The following ATP8B2 variants were observed in gnomAD, a reference collection of about 807,000 sequenced individuals.
ATP8B2 encodes ATPase phospholipid transporting 8B2.
ATP8B2 carries 70 observed loss-of-function variants against 133.4 expected under a neutral mutation model. That is an observed-to-expected ratio of 0.52 (90% CI 0.43 to 0.64). The LOEUF is 0.64. Ranked by LOEUF, ATP8B2 falls within the 30% of genes least tolerant of loss-of-function variation. The pLI is 0.00. For synonymous variants in ATP8B2, 517 were observed against 589.5 expected (o/e 0.88, Z 1.78); for missense variants, 1,101 against 1,535.7 (o/e 0.72, Z 4.73).
At position 154,331,373 on chromosome 1, in the gene ATP8B2, G is replaced by A; in HGVS notation, c.304-71G>A. The A allele has an allele frequency of 6.6e-7, 1 of 1,518,860 alleles. No individual in the cohort carries two copies. The highest frequency in any genetic ancestry group is 9.1e-7 in the Non-Finnish European group (1 of 1,095,522). 94.1% of individuals were successfully genotyped at this position (1,518,860 alleles called of 1,614,324 possible). ...TATGAGGCGTTAACCAGCATGCTCT[G>A]AGTTCTACTGATCAACGAATTCCTT... On this transcript the variant is annotated intron_variant, in intron 5 of 27. Transcript: ENST00000368489. The surrounding 1 kb of genome is among the most constrained non-coding windows in gnomAD (Gnocchi z 4.8).
rs1685866757 is a variant in ATP8B2 at position 154,328,485 on chromosome 1, C to A, written c.31+313C>A. ...TCATCTCTGCTTGGTCCTCTCACCC[C>A]TTCCCTGCTCCCCTCGTTTTTCCAT... On this transcript the variant is annotated intron_variant, in intron 2 of 27. Coordinates refer to ENST00000368489, the MANE Select transcript of ATP8B2 (RefSeq NM_001370597.1). The surrounding 1 kb of genome is among the most constrained non-coding windows in gnomAD (Gnocchi z 4.6). 6.6e-6 allele frequency among the ~76,000 whole-genome samples: 1 copy of A among 152,208 alleles called. No homozygotes were observed. The highest frequency in any genetic ancestry group is 2.1e-4 in the South Asian group (1 of 4,834).
rs549943226 is a variant in ATP8B2 at position 154,349,278 on chromosome 1, T to G, written c.*160T>G. On this transcript the variant is annotated 3_prime_UTR_variant, in exon 28 of 28. Transcript: ENST00000368489. The stretch of plus-strand genomic sequence containing the variant: ...CCACCACACATGGCTGGGACATCTG[T>G]TCCCAGCTGTAGGCCCTTCCACCAG... 6.0e-6 allele frequency: 6 copies of G among 995,074 alleles called. No homozygotes were observed. The highest frequency in any genetic ancestry group is 8.7e-6 in the Non-Finnish European group (6 of 691,092). 61.6% of individuals were successfully genotyped at this position (995,074 alleles called of 1,614,324 possible).
At chr1:154,341,791 C>CAA (rs5777908) in intron 13 of ATP8B2, 25 of 142,226 alleles carry the variant, frequency 1.8e-4, no homozygotes, top group Admixed American at 1.5e-3. Flanking sequence ...GAAAGTCTAT[C>CAA]AAAAAAAAAA....
rs780293703 is a variant in ATP8B2 at position 154,344,649 on chromosome 1, G to A, written c.2150G>A (p.Arg717Gln). ...CATTTCCACCTCGACAGGAAAGCCC[G>A]GGAGAAGATGATGGACTCATCCCGC... ...LEVREELRKA[R>Q]EKMMDSSRSV... Residue 717 changes from arginine to glutamine, a missense_variant, in exon 21 of 28, where the codon CGG (arginine) becomes CAG (glutamine). Physicochemically the swap from Arg to Gln is conservative, Grantham distance 43. Coordinates refer to ENST00000368489, the MANE Select transcript of ATP8B2 (RefSeq NM_001370597.1). The surrounding 1 kb of genome is among the most constrained non-coding windows in gnomAD (Gnocchi z 4.1). The A allele has an allele frequency of 8.7e-6, 14 of 1,608,012 alleles. No individual in the cohort carries two copies. In the East Asian group the frequency reaches 1.8e-4, roughly 21 times the overall value.
chr1:154,345,202 G>A lies in ATP8B2; in HGVS notation c.2470+48G>A, dbSNP rs2149174751. 1.9e-6 allele frequency: 3 copies of A among 1,601,806 alleles called. No homozygotes were observed. Among genetic ancestry groups the A allele is most frequent in the African/African-American group, 1.3e-5 (1 of 74,804 alleles). On this transcript the variant is annotated intron_variant, in intron 22 of 27. Transcript: ENST00000368489. This position sits in a 1 kb window ranked among gnomAD's most constrained non-coding sequence, Gnocchi z 5.6. ...TGTAGGCTGGGCTTGAGGCTGGGGA[G>A]GGGCCCACTGAGGTCTCTGGACTGC...
In ATP8B2 at chr1:154,334,808, AG is replaced by A. The variant is rs1686118593; in HGVS notation, c.837+218del. 6.6e-6 allele frequency among the ~76,000 whole-genome samples: 1 copy of A among 152,190 alleles called. No individual in the cohort carries two copies. The highest frequency in any genetic ancestry group is 1.5e-5 in the Non-Finnish European group (1 of 68,048). ...GAACGTGCATGAATCAACAACTTAA[AG>A]CTAAAACAAATCATCCCTTCTCTGA... On this transcript the variant is annotated intron_variant, in intron 11 of 27. Transcript: ENST00000368489. The surrounding 1 kb of genome is among the most constrained non-coding windows in gnomAD (Gnocchi z 4.6).
Position 154,334,158 on chromosome 1 carries a change from C to G in ATP8B2, c.641C>G (p.Thr214Ser). The stretch of plus-strand genomic sequence containing the variant: ...AACAAACTGGACAAATTCAGCGGAA[C>G]CCTCTACTGGAAGGAAAATAAGTTC... ...PNNKLDKFSGTLYWKENKFPL... is the reference protein window; with the variant it reads ...PNNKLDKFSGSLYWKENKFPL... The change falls in exon 10 of 28, where the codon ACC (threonine) becomes AGC (serine). Residue 214 changes from threonine (T) to serine (S), a missense_variant. Coordinates refer to ENST00000368489, the MANE Select transcript of ATP8B2 (RefSeq NM_001370597.1). This position sits in a 1 kb window ranked among gnomAD's most constrained non-coding sequence, Gnocchi z 4.6. 6.2e-7 allele frequency: 1 copy of G among 1,614,204 alleles called. No homozygotes were observed. The highest frequency in any genetic ancestry group is 8.5e-7 in the Non-Finnish European group (1 of 1,180,052).
chr1:154,343,174 C>T lies in ATP8B2; in HGVS notation c.1515C>T (p.Asn505=). 2.5e-6 allele frequency: 4 copies of T among 1,614,146 alleles called. No individual in the cohort carries two copies. The highest frequency in any genetic ancestry group is 2.5e-6 in the Non-Finnish European group (3 of 1,180,028). ...GGGCCCTGGTCACCGCAGCCAGGAACTTTGGTTTTGTTTTCCGCTCTCGCA... is the reference window on the plus strand; with the variant it reads ...GGGCCCTGGTCACCGCAGCCAGGAATTTTGGTTTTGTTTTCCGCTCTCGCA... ...DEGALVTAAR[N]FGFVFRSRTP... The change falls in exon 16 of 28, where the codon AAC becomes AAT. Residue 505 remains asparagine, a synonymous_variant. Transcript: ENST00000368489. The surrounding 1 kb of genome is among the most constrained non-coding windows in gnomAD (Gnocchi z 5.8).
intron 3 of ATP8B2, 33 bp from the exon 4 acceptor site, chr1:154,330,782 G>A (rs1367983846): frequency 6.3e-7 from 1 of 1,577,592 alleles, no homozygotes; most frequent in South Asian, 1.1e-5. Flanking sequence ...TGGGACTGGA[G>A]ACTGCTCATT....
chr1:154,348,594 T>C, intron 27 of ATP8B2, 56 bp downstream of exon 27: 1 of 1,599,210 alleles, frequency 6.3e-7, no homozygotes. Context: ...TGGAAAGGCC[T>C]CATGTGAACA....
At chr1:154,342,366 G>C (rs1379186120) in intron 13 of ATP8B2, 114 bp from the exon 14 acceptor site, 3 of 1,043,184 alleles carry the variant, frequency 2.9e-6, no homozygotes, top group Admixed American at 1.8e-5. Flanking sequence ...GCTGCTCAGC[G>C]ATTAGGGTTG....
Position 154,346,031 on chromosome 1 carries a change from C to T in ATP8B2, c.2778+148C>T. The T allele has an allele frequency of 1.8e-6, 2 of 1,090,468 alleles. No homozygotes were observed. Among genetic ancestry groups the T allele is most frequent in the Non-Finnish European group, 2.7e-6 (2 of 743,394 alleles). 67.5% of individuals were successfully genotyped at this position (1,090,468 alleles called of 1,614,324 possible). The stretch of plus-strand genomic sequence containing the variant: ...GCCGGGGAAGGTGTGGCTGGTTCTC[C>T]CTCCTGGCTGCAGCTGATCTAGAAC... On this transcript the variant is annotated intron_variant, in intron 24 of 27. Transcript: ENST00000368489. This position sits in a 1 kb window ranked among gnomAD's most constrained non-coding sequence, Gnocchi z 4.5.
intron 11 of ATP8B2, 146 bp from the exon 12 acceptor site, chr1:154,337,202 A>T: frequency 1.2e-6 from 1 of 807,218 alleles, no homozygotes. Flanking sequence ...GTTGGGCCAC[A>T]TGTGGCCCAG....
At position 154,350,516 on chromosome 1, in the gene ATP8B2, C is replaced by T. The variant is rs1686749199; in HGVS notation, c.*1398C>T. 1 of 152,284 alleles carries T rather than the reference C, an allele frequency of 6.6e-6. No homozygotes were observed. The highest frequency in any genetic ancestry group is 1.5e-5 in the Non-Finnish European group (1 of 68,096). 9.4% of individuals were successfully genotyped at this position (152,284 alleles called of 1,614,324 possible). A position where few individuals can be genotyped will look rare whatever the true frequency, so the allele number is the denominator to read the frequency against. ...TGGGGCTGCAGGGGGAAGCTGTGCA[C>T]CTGAGATGAGGCTGGAACGGGAATT... On this transcript the variant is annotated 3_prime_UTR_variant, in exon 28 of 28. Transcript: ENST00000368489.
chr1:154,331,282 A>T lies in ATP8B2; in HGVS notation c.303+136A>T. 1.8e-6 allele frequency: 2 copies of T among 1,135,938 alleles called. No homozygotes were observed. The highest frequency in any genetic ancestry group is 2.6e-6 in the Non-Finnish European group (2 of 778,472). 70.4% of individuals were successfully genotyped at this position (1,135,938 alleles called of 1,614,324 possible). ...TCCCTTACCCGGTCCAGCTAGATCC[A>T]TGATGTCTTTTTGCTGAGCGTGGGG... On this transcript the variant is annotated intron_variant, in intron 5 of 27. Transcript: ENST00000368489. This position sits in a 1 kb window ranked among gnomAD's most constrained non-coding sequence, Gnocchi z 4.8.
At position 154,331,500 on chromosome 1, in the gene ATP8B2, T is replaced by C. The variant is rs6702754; in HGVS notation, c.360T>C (p.Asn120=). Residue 120 remains asparagine (N), a synonymous_variant, in exon 6 of 28, where the codon AAT becomes AAC. Coordinates refer to ENST00000368489, the MANE Select transcript of ATP8B2 (RefSeq NM_001370597.1). The surrounding 1 kb of genome is among the most constrained non-coding windows in gnomAD (Gnocchi z 4.8). The part of the protein sequence containing the change: ...VNNRQSQVLI[N]GILQQEQWMN... The stretch of plus-strand genomic sequence containing the variant: ...ACCGCCAGTCTCAGGTGCTGATCAA[T>C]GGAATGTGAGTGCCTGTTGGAGACA... 492,014 of 1,613,738 alleles carry C rather than the reference T, an allele frequency of 0.3. 76,216 individuals carry two copies. The highest frequency in any genetic ancestry group is 0.34 in the South Asian group (31,279 of 91,066).
chr1:154,343,312 G>A lies in ATP8B2; in HGVS notation c.1642+11G>A, dbSNP rs748214819. The A allele has an allele frequency of 2.5e-6, 4 of 1,613,526 alleles. No individual in the cohort carries two copies. Among genetic ancestry groups the A allele is most frequent in the African/African-American group, 1.3e-5 (1 of 74,890 alleles). On this transcript the variant is annotated intron_variant, in intron 16 of 27. Transcript: ENST00000368489. This position sits in a 1 kb window ranked among gnomAD's most constrained non-coding sequence, Gnocchi z 5.8. ...GGATGTCGGTCATAGGTGAGGCCAG[G>A]CCTGGGGTGCTGGGGCGTTTGGGGA... is the stretch of plus-strand genomic sequence containing the variant.
Position 154,345,460 on chromosome 1 carries a change from A to G in ATP8B2, c.2609A>G (p.Lys870Arg), listed in dbSNP as rs1027780707. 1 of 1,614,186 alleles carries G rather than the reference A, an allele frequency of 6.2e-7. No homozygotes were observed. Among genetic ancestry groups the G allele is most frequent in the Non-Finnish European group, 8.5e-7 (1 of 1,180,040 alleles). Residue 870 changes from lysine (K) to arginine (R), a missense_variant, in exon 23 of 28, where the codon AAG (lysine) becomes AGG (arginine). Lys to Arg is a conservative substitution (Grantham distance 26). Coordinates refer to ENST00000368489, the MANE Select transcript of ATP8B2 (RefSeq NM_001370597.1). The surrounding 1 kb of genome is among the most constrained non-coding windows in gnomAD (Gnocchi z 5.6). The stretch of plus-strand genomic sequence containing the variant: ...CGCTGGTCCTACCTGCGAATGTGCA[A>G]GTTTCTTTGCTATTTCTTCTACAAA... ...HGRWSYLRMC[K>R]FLCYFFYKNF... is the part of the protein sequence containing the mutation.
At chr1:154,337,600 C>T in intron 12 of ATP8B2, 56 bp downstream of exon 12, 1 of 1,614,152 alleles carries the variant, frequency 6.2e-7, no homozygotes, top group Non-Finnish European at 8.5e-7. Flanking sequence ...TCCCATAGAA[C>T]TTTTCTTTTC....
Sources: allele counts gnomAD v4.1 joint callset (sites outside exome capture counted in the v4.1 genomes callset), GRCh38; gene constraint gnomAD v4.1.1; non-coding constraint Gnocchi (gnomAD v3.1); transcripts MANE v1.5; gene names NCBI Gene and HGNC (gene_info 2026-07-23, HGNC 2026-07-21).